The following DNM3 variants were observed in gnomAD, a reference collection of about 807,000 sequenced individuals.
The protein encoded by DNM3 is dynamin-3.
Under a neutral mutation model 101.6 loss-of-function variants are expected in DNM3, and 47 were observed. The observed-to-expected ratio is 0.46, with a 90% CI of 0.37 to 0.59. DNM3 has a LOEUF of 0.59. DNM3 is among the 20% of genes least tolerant of loss of function. The probability of loss-of-function intolerance (pLI) is 0.00; values close to 1 mark genes in which losing one functional copy is unlikely to be tolerated. For missense variants in DNM3, 849 were observed against 1,085.7 expected, an observed-to-expected ratio of 0.78 and a Z score of 3.06; for synonymous variants, 385 against 387.9, an observed-to-expected ratio of 0.99 and a Z score of 0.09.
At chr1:171,898,961 G>T (rs147072394) in intron 1 of DNM3, among the ~76,000 whole-genome samples, 97 of 152,302 alleles carry the variant, frequency 6.4e-4, no homozygotes, top group Non-Finnish European at 2.4e-4. Flanking sequence ...GTGATGAGTA[G>T]TATTTGAAAC....
chr1:171,866,131 C>T (rs1015419932), intron 1 of DNM3, among the ~76,000 whole-genome samples: 5 of 152,000 alleles, frequency 3.3e-5, no homozygotes, highest in African/African-American at 1.2e-4. Context: ...GCTTACTTTC[C>T]TCTTGCCTGA....
At chr1:172,343,482 T>A (rs2066785330) in intron 17 of DNM3, among the ~76,000 whole-genome samples, 3 of 152,176 alleles carry the variant, frequency 2.0e-5, no homozygotes, top group Admixed American at 6.5e-5. Flanking sequence ...TTTTCATTCA[T>A]TTCTCTTGTG....
chr1:172,342,125 T>G (rs187668970), intron 17 of DNM3, among the ~76,000 whole-genome samples: 1 of 152,288 alleles, frequency 6.6e-6, no homozygotes, highest in Non-Finnish European at 1.5e-5. Context: ...GTGGCGAGGT[T>G]GCAGAGAAAA....
intron 6 of DNM3, among the ~76,000 whole-genome samples, chr1:172,034,224 G>A (rs1191581524): frequency 6.6e-6 from 1 of 151,998 alleles, no homozygotes; most frequent in Non-Finnish European, 1.5e-5. Flanking sequence ...CTATTGTAAA[G>A]TTTATACTTT....
chr1:171,978,647 G>T (rs913246683), intron 2 of DNM3, among the ~76,000 whole-genome samples: 2 of 152,180 alleles, frequency 1.3e-5, no homozygotes, highest in Non-Finnish European at 2.9e-5. Context: ...ATGATGTGAT[G>T]TATGTTTTAA....
chr1:172,364,511 A>T (rs1004838462), intron 17 of DNM3, among the ~76,000 whole-genome samples: 3 of 151,926 alleles, frequency 2.0e-5, no homozygotes, highest in African/African-American at 7.2e-5. Context: ...GGGGGATTGG[A>T]CAGAATCTAT....
intron 14 of DNM3, among the ~76,000 whole-genome samples, chr1:172,180,892 C>T (rs12240040): frequency 0.065 from 9,941 of 152,126 alleles, 374 homozygotes; most frequent in Middle Eastern, 0.12. Flanking sequence ...TAGTTTATTT[C>T]CTACTCATGG....
At chr1:172,290,483 G>A (rs1006651113) in intron 15 of DNM3, among the ~76,000 whole-genome samples, 1 of 152,144 alleles carries the variant, frequency 6.6e-6, no homozygotes, top group African/African-American at 2.4e-5. Flanking sequence ...AGCAGAATGA[G>A]GATGGGAAGA....
At chr1:172,292,989 G>A (rs1165186103) in intron 15 of DNM3, among the ~76,000 whole-genome samples, 1 of 152,222 alleles carries the variant, frequency 6.6e-6, no homozygotes, top group Non-Finnish European at 1.5e-5. Flanking sequence ...GTGGTAATGA[G>A]GAAGCTGTCC....
chr1:172,017,224 A>G (rs1454581782), intron 4 of DNM3, among the ~76,000 whole-genome samples: 2 of 151,892 alleles, frequency 1.3e-5, no homozygotes, highest in Admixed American at 1.3e-4. Context: ...AGTTCTTATT[A>G]TTTCTTTCAT....
intron 15 of DNM3, among the ~76,000 whole-genome samples, chr1:172,259,989 T>A (rs1192698329): frequency 6.7e-6 from 1 of 149,036 alleles, no homozygotes; most frequent in Non-Finnish European, 1.5e-5. Flanking sequence ...AGGTCTCCCT[T>A]AAGTATTTCT....
chr1:172,380,438 A>G (rs2068834050), intron 18 of DNM3, among the ~76,000 whole-genome samples: 1 of 152,078 alleles, frequency 6.6e-6, no homozygotes, highest in African/African-American at 2.4e-5. Flanking sequence ...GAACAATCTT[A>G]TTTTTAACTA....
chr1:172,197,721 G>A (rs2060004900), intron 14 of DNM3, among the ~76,000 whole-genome samples: 1 of 151,982 alleles, frequency 6.6e-6, no homozygotes, highest in Admixed American at 6.6e-5. Flanking sequence ...GGCTGTTGTT[G>A]ATGTATAGAA....
At chr1:172,161,661 G>A (rs1432818501) in intron 14 of DNM3, among the ~76,000 whole-genome samples, 1 of 151,968 alleles carries the variant, frequency 6.6e-6, no homozygotes, top group African/African-American at 2.4e-5. Context: ...GCCTGAGGAG[G>A]ACTTTATGGG....
chr1:171,883,408 C>T (rs2036485506), intron 1 of DNM3, among the ~76,000 whole-genome samples: 1 of 106,368 alleles, frequency 9.4e-6, no homozygotes, highest in South Asian at 2.8e-4. Context: ...CACACACACA[C>T]ACACACCCTG....
intron 16 of DNM3, chr1:172,310,521 A>T (rs1217894922): frequency 1.3e-5 from 2 of 152,254 alleles, no homozygotes. Context: ...GGGGCAGGCA[A>T]GCTTTATTTT....
At chr1:172,208,560 C>A (rs944974867) in intron 14 of DNM3, among the ~76,000 whole-genome samples, 1 of 152,060 alleles carries the variant, frequency 6.6e-6, no homozygotes, top group Non-Finnish European at 1.5e-5. Context: ...TTTTCTGGGT[C>A]TCCGGCTTTT....
intron 17 of DNM3, among the ~76,000 whole-genome samples, chr1:172,329,724 T>C (rs2148930182): frequency 6.6e-6 from 1 of 152,146 alleles, no homozygotes; most frequent in Non-Finnish European, 1.5e-5. Flanking sequence ...ATTCTCAAAA[T>C]AGAATTATCC....
intron 10 of DNM3, among the ~76,000 whole-genome samples, 197 bp from the exon 11 acceptor site, chr1:172,068,622 A>T (rs1011323350): frequency 3.3e-5 from 5 of 152,172 alleles, no homozygotes; most frequent in African/African-American, 1.2e-4. Context: ...TCCTCAACAT[A>T]ACAAGGTTAC....
Sources: gnomAD v4.1 joint callset for allele counts (sites outside exome capture counted in the v4.1 genomes callset) on GRCh38, gnomAD v4.1.1 for gene constraint, MANE v1.5 for transcripts, NCBI Gene and HGNC (gene_info 2026-07-23, HGNC 2026-07-21) for gene names.